Variants in KIAA1671 observed in about 807,000 individuals in gnomAD.
KIAA1671 encodes uncharacterized protein KIAA1671.
KIAA1671 carries 52 observed loss-of-function variants against 131.2 expected under a neutral mutation model. The ratio of observed to expected loss-of-function variants is 0.40; its 90% CI spans 0.32 to 0.50. KIAA1671 has a LOEUF of 0.50. KIAA1671 is among the 20% of genes least tolerant of loss of function. KIAA1671 has a pLI of 0.73. For missense variants in KIAA1671, 2,360 were observed against 2,364.2 expected, an observed-to-expected ratio of 1.00 and a Z score of 0.04; for synonymous variants, 1,003 against 961.6, an observed-to-expected ratio of 1.04 and a Z score of -0.80.
intron 6 of KIAA1671, among the ~76,000 whole-genome samples, chr22:25,067,796 G>A (rs1433955838): frequency 6.6e-6 from 1 of 152,190 alleles, no homozygotes; most frequent in Non-Finnish European, 1.5e-5. Context: ...TCAGCCAAGG[G>A]GTGTCAGAAA....
At chr22:24,984,647 G>T (rs1338871017) in intron 1 of KIAA1671, among the ~76,000 whole-genome samples, 6 of 152,090 alleles carry the variant, frequency 3.9e-5, no homozygotes, top group African/African-American at 1.4e-4. Flanking sequence ...CTCAGGAGCA[G>T]AGGAGAAAAA....
rs144709643 is a variant in KIAA1671, at chr22:24,988,722, C to T, written c.-208+35950C>T. Among the ~76,000 whole-genome samples the T allele has an allele frequency of 1.0e-4, 13 of 125,396 alleles. No individual in the cohort carries two copies. In the East Asian group the frequency reaches 1.9e-3, roughly 18 times the overall value. The allele number at this position is 125,396 out of a possible 152,430, so 82.3% of individuals were successfully genotyped here. ...CTGCACTCCAGCCTGGGTGAAAGAGCGAGACTCCATCTCAAAAAAAAAAAA... is the reference window on the plus strand; with the variant it reads ...CTGCACTCCAGCCTGGGTGAAAGAGTGAGACTCCATCTCAAAAAAAAAAAA... On this transcript the variant is annotated intron_variant, in intron 1 of 12. Coordinates refer to ENST00000358431, the MANE Select transcript of KIAA1671 (RefSeq NM_001145206.2).
chr22:25,031,353 C>A (rs111244225), intron 3 of KIAA1671, among the ~76,000 whole-genome samples: 1 of 152,264 alleles, frequency 6.6e-6, no homozygotes, highest in East Asian at 1.9e-4. Flanking sequence ...TCAGCCACCA[C>A]GCCCAGCTAA....
At chr22:25,038,136 C>T (rs1389902227) in intron 4 of KIAA1671, among the ~76,000 whole-genome samples, 1 of 151,954 alleles carries the variant, frequency 6.6e-6, no homozygotes, top group African/African-American at 2.4e-5. Flanking sequence ...CGCACCTGGC[C>T]TTTAATTCCT....
At chr22:25,061,243 GAGATGCTGAATCTTCT>G (rs1928143005) in intron 6 of KIAA1671, 1 of 152,336 alleles carries the variant, frequency 6.6e-6, no homozygotes, top group African/African-American at 2.4e-5. Flanking sequence ...TGTATTTCCA[GAGATGCTGAATCTTCT>G]ACTTGAACTC....
chr22:25,069,302 G>C (rs941393994), intron 6 of KIAA1671, among the ~76,000 whole-genome samples: 3 of 152,212 alleles, frequency 2.0e-5, no homozygotes, highest in African/African-American at 7.2e-5. Flanking sequence ...GGTAACTGAG[G>C]CTCAGGAGGA....
chr22:25,190,704 C>G lies in KIAA1671; in HGVS notation c.5345C>G (p.Ser1782Trp), dbSNP rs752926579. ...TCTTACTGGCTTTGTGGTTTCAGGT[C>G]GGATGAACCCTCTCCCCAGTGGCTA... is the stretch of plus-strand genomic sequence containing the variant. ...LPSSMDKDER[S>W]DEPSPQWLKE... is the part of the protein sequence containing the mutation. Residue 1782 changes from serine to tryptophan, a missense_variant and splice_region_variant, in exon 12 of 13, where the codon TCG becomes TGG. Physicochemically the swap from Ser to Trp is radical, Grantham distance 177. This residue lies in a region of KIAA1671 where 1,161 missense variants were observed against 1,204.7 expected (regional missense o/e 0.96). Transcript: ENST00000358431. The G allele has an allele frequency of 3.9e-6, 6 of 1,551,362 alleles. No homozygotes were observed. The highest frequency in any genetic ancestry group is 5.2e-6 in the Non-Finnish European group (6 of 1,146,646).
At chr22:25,127,995 C>T (rs572797947) in intron 6 of KIAA1671, among the ~76,000 whole-genome samples, 10 of 152,304 alleles carry the variant, frequency 6.6e-5, no homozygotes, top group African/African-American at 2.4e-4. Context: ...GAGTTCAAAT[C>T]CTGGCACCAC....
At chr22:25,179,195 G>A (rs556940397) in intron 9 of KIAA1671, 12 of 1,071,576 alleles carry the variant, frequency 1.1e-5, no homozygotes, top group African/African-American at 1.6e-5. Flanking sequence ...GCATGAAGCT[G>A]GGGGCGGGGG....
chr22:25,069,694 A>C (rs1928704186), intron 6 of KIAA1671, among the ~76,000 whole-genome samples: 1 of 152,156 alleles, frequency 6.6e-6, no homozygotes, highest in African/African-American at 2.4e-5. Flanking sequence ...TCAGAAGCTT[A>C]GCTGAGTTTA....
chr22:25,169,694 C>G (rs771602157), intron 6 of KIAA1671, among the ~76,000 whole-genome samples: 2 of 152,184 alleles, frequency 1.3e-5, no homozygotes, highest in Non-Finnish European at 2.9e-5. Context: ...GATTTATGGC[C>G]TTTCCACCGT....
intron 1 of KIAA1671, among the ~76,000 whole-genome samples, chr22:24,997,110 C>T (rs1924179127): frequency 6.6e-6 from 1 of 152,160 alleles, no homozygotes; most frequent in Non-Finnish European, 1.5e-5. Context: ...ATTGTGTACC[C>T]ATCACATGCC....
At chr22:25,129,411 G>A (rs1159691924) in intron 6 of KIAA1671, among the ~76,000 whole-genome samples, 2 of 151,842 alleles carry the variant, frequency 1.3e-5, no homozygotes, top group African/African-American at 2.4e-5. Context: ...GAAGGCTGAG[G>A]CAGGCGAATC....
intron 1 of KIAA1671, among the ~76,000 whole-genome samples, chr22:24,991,048 C>T (rs977960344): frequency 6.6e-6 from 1 of 152,082 alleles, no homozygotes. Context: ...TTTGAGGAGT[C>T]TCACTCCGTT....
chr22:25,071,949 G>A (rs713848), intron 6 of KIAA1671, among the ~76,000 whole-genome samples: 36,551 of 152,050 alleles, frequency 0.24, 4,437 homozygotes, highest in South Asian at 0.31. Context: ...GTTAGGATGG[G>A]GGTGGTGCAC....
At chr22:24,973,352 C>G (rs5996804) in intron 1 of KIAA1671, among the ~76,000 whole-genome samples, 1 of 147,520 alleles carries the variant, frequency 6.8e-6, no homozygotes, top group African/African-American at 2.5e-5. Context: ...TCCCTGCTCT[C>G]GCTCCTCTCA....
chr22:25,174,093 G>T, intron 7 of KIAA1671, 147 bp from the exon 8 acceptor site: 4 of 879,082 alleles, frequency 4.6e-6, no homozygotes, highest in Non-Finnish European at 6.9e-6. Context: ...TTTCCAAAGA[G>T]GGTCTTCTGC....
Position 25,037,552 on chromosome 22 carries a change from C to T in KIAA1671, c.1630-1208C>T, listed in dbSNP as rs1926682394. Among the ~76,000 whole-genome samples the T allele has an allele frequency of 1.3e-5, 2 of 152,006 alleles. 1 individual carries two copies. The highest frequency in any genetic ancestry group is 4.2e-4 in the South Asian group (2 of 4,818). ...ATTATAACCATTTTAAAGTGCACAA[C>T]TGAGTGGCATTAAGGACGTTTTCAG... On this transcript the variant is annotated intron_variant, in intron 4 of 12. Coordinates refer to ENST00000358431, the MANE Select transcript of KIAA1671 (RefSeq NM_001145206.2).
intron 6 of KIAA1671, among the ~76,000 whole-genome samples, chr22:25,088,977 C>T (rs1215430723): frequency 6.6e-6 from 1 of 152,254 alleles, no homozygotes; most frequent in East Asian, 1.9e-4. Flanking sequence ...CAAAAACATT[C>T]GAAGAAAAAT....
Sources: gnomAD v4.1 joint callset for allele counts (sites outside exome capture counted in the v4.1 genomes callset) on GRCh38, gnomAD v4.1.1 for gene constraint, gnomAD v4.1.1 regional missense constraint, MANE v1.5 for transcripts, NCBI Gene and HGNC (gene_info 2026-07-23, HGNC 2026-07-21) for gene names.